The following ZMAT4 variants were observed in gnomAD, a reference collection of about 807,000 sequenced individuals.
The protein encoded by ZMAT4 is zinc finger matrin-type protein 4.
A neutral mutation model predicts 28.7 loss-of-function variants in ZMAT4; 17 were observed. The observed-to-expected ratio is 0.59, with a 90% CI of 0.41 to 0.89. The LOEUF is 0.89. ZMAT4 is among the 40% of genes least tolerant of loss of function. ZMAT4 has a pLI of 0.00. For missense variants in ZMAT4, 240 were observed against 283.8 expected, an observed-to-expected ratio of 0.85 and a Z score of 1.11; for synonymous variants, 117 against 109.2, an observed-to-expected ratio of 1.07 and a Z score of -0.44.
chr8:40,677,891 G>A (rs955070495), intron 4 of ZMAT4, among the ~76,000 whole-genome samples: 2 of 152,010 alleles, frequency 1.3e-5, no homozygotes, highest in Non-Finnish European at 2.9e-5. Flanking sequence ...CCTTTATATA[G>A]ATTCAACCAA....
chr8:40,567,110 CTG>C (rs1322254028), intron 6 of ZMAT4, among the ~76,000 whole-genome samples: 5 of 152,092 alleles, frequency 3.3e-5, no homozygotes, highest in African/African-American at 1.2e-4. Flanking sequence ...AGATATATCT[CTG>C]GAGAGTACAA....
intron 5 of ZMAT4, among the ~76,000 whole-genome samples, chr8:40,670,012 C>T (rs73611428): frequency 0.011 from 1,705 of 152,302 alleles, 37 homozygotes; most frequent in African/African-American, 0.039. Flanking sequence ...AATTCAATCC[C>T]ATTCAACATT....
intron 5 of ZMAT4, among the ~76,000 whole-genome samples, chr8:40,626,042 G>A (rs1458783508): frequency 6.6e-6 from 1 of 151,734 alleles, no homozygotes; most frequent in Non-Finnish European, 1.5e-5. Flanking sequence ...CCCGGGAGGT[G>A]GAGGTTGCAG....
At chr8:40,798,247 T>A (rs1222306290) in intron 2 of ZMAT4, among the ~76,000 whole-genome samples, 1 of 152,198 alleles carries the variant, frequency 6.6e-6, no homozygotes, top group Non-Finnish European at 1.5e-5. Context: ...TGCAAGTTAA[T>A]GATCTGCACA....
intron 4 of ZMAT4, among the ~76,000 whole-genome samples, chr8:40,695,162 G>A (rs1406121254): frequency 3.3e-5 from 5 of 152,180 alleles, no homozygotes; most frequent in Admixed American, 1.3e-4. Flanking sequence ...TTCTGAAGGC[G>A]CTCGTGTACA....
chr8:40,566,395 A>T (rs993732786), intron 6 of ZMAT4, among the ~76,000 whole-genome samples: 1 of 152,134 alleles, frequency 6.6e-6, no homozygotes, highest in African/African-American at 2.4e-5. Context: ...TTTTCCGGAC[A>T]TGTGGGTGTG....
chr8:40,851,983 G>A (rs118150115), intron 1 of ZMAT4, among the ~76,000 whole-genome samples: 9,825 of 152,078 alleles, frequency 0.065, 353 homozygotes, highest in Non-Finnish European at 0.07. Flanking sequence ...TGCAGCCTCC[G>A]CCTCCAGGGT....
chr8:40,837,402 T>C (rs543124136), intron 1 of ZMAT4, among the ~76,000 whole-genome samples: 1 of 152,282 alleles, frequency 6.6e-6, no homozygotes, highest in South Asian at 2.1e-4. Context: ...GACTTTTGTG[T>C]CAATGGGAAC....
intron 1 of ZMAT4, among the ~76,000 whole-genome samples, chr8:40,862,450 T>G (rs954104106): frequency 7.0e-6 from 1 of 142,510 alleles, no homozygotes; most frequent in African/African-American, 2.6e-5. Flanking sequence ...GGGATAGCAT[T>G]GGGAGATATA....
At chr8:40,870,983 T>A (rs1586198009) in intron 1 of ZMAT4, among the ~76,000 whole-genome samples, 2 of 152,322 alleles carry the variant, frequency 1.3e-5, no homozygotes, top group South Asian at 4.2e-4. Context: ...ACCAGCTCCC[T>A]TATTTGTAAA....
Position 40,726,603 on chromosome 8 carries a change from C to T in ZMAT4, c.193-29202G>A, listed in dbSNP as rs533003425. 5.9e-5 allele frequency among the ~76,000 whole-genome samples: 9 copies of T among 152,288 alleles called. No homozygotes were observed. In the South Asian group the frequency reaches 1.9e-3, roughly 32 times the overall value. On this transcript the variant is annotated intron_variant, in intron 3 of 6. Transcript: ENST00000297737. ...TAGTTGGACTGAATGTAATTTAGGT[C>T]AGAAGTCAGCAAACCACACAACCCA... is the stretch of plus-strand genomic sequence containing the variant.
At chr8:40,848,291 G>T (rs1342755160) in intron 1 of ZMAT4, among the ~76,000 whole-genome samples, 3 of 152,176 alleles carry the variant, frequency 2.0e-5, no homozygotes, top group Non-Finnish European at 2.9e-5. Context: ...CCCTCGATGT[G>T]GAAGTCAGAC....
intron 1 of ZMAT4, among the ~76,000 whole-genome samples, chr8:40,879,596 G>A (rs544468302): frequency 2.6e-5 from 4 of 152,208 alleles, no homozygotes; most frequent in South Asian, 2.1e-4. Flanking sequence ...AAAGGGGAAC[G>A]ACTCAGAGGC....
chr8:40,734,846 A>C (rs1811692847), intron 3 of ZMAT4, among the ~76,000 whole-genome samples: 4 of 152,234 alleles, frequency 2.6e-5, no homozygotes, highest in South Asian at 4.1e-4. Flanking sequence ...AATTTAAAAA[A>C]ATCTCTAAAG....
At chr8:40,783,284 G>T (rs533648345) in intron 2 of ZMAT4, among the ~76,000 whole-genome samples, 2 of 152,248 alleles carry the variant, frequency 1.3e-5, no homozygotes, top group South Asian at 2.1e-4. Flanking sequence ...ATTACACTAC[G>T]TGACAGAAGT....
chr8:40,773,083 T>C (rs377673317), intron 2 of ZMAT4, among the ~76,000 whole-genome samples: 1 of 152,130 alleles, frequency 6.6e-6, no homozygotes, highest in Non-Finnish European at 1.5e-5. Flanking sequence ...ACAAGACAAA[T>C]AGAAAACCAC....
chr8:40,600,857 A>G (rs13274508), intron 5 of ZMAT4, among the ~76,000 whole-genome samples: 3 of 151,794 alleles, frequency 2.0e-5, no homozygotes, highest in African/African-American at 7.3e-5. Context: ...GCTGCATCCT[A>G]CTCTTAATTA....
chr8:40,860,554 G>A lies in ZMAT4; in HGVS notation c.-4-34874C>T, dbSNP rs370347783. ...GAAGCTCTGTGAAGAGCCACAGGGT[G>A]AGAATAGCACCCAGCCATAGATCTG... On this transcript the variant is annotated intron_variant, in intron 1 of 6. Coordinates refer to ENST00000297737, the MANE Select transcript of ZMAT4 (RefSeq NM_024645.3). 3.3e-4 allele frequency among the ~76,000 whole-genome samples: 50 copies of A among 152,324 alleles called. 2 individuals carry two copies. Among genetic ancestry groups the A allele is most frequent in the East Asian group, 3.1e-3 (16 of 5,180 alleles).
chr8:40,697,072 G>T (rs1480564631), intron 4 of ZMAT4, 173 bp downstream of exon 4: 1 of 646,652 alleles, frequency 1.5e-6, no homozygotes, highest in Non-Finnish European at 2.5e-6. Context: ...GTATTTAGGG[G>T]TCTTAGGACA....
Sources: gnomAD v4.1 joint callset for allele counts (sites outside exome capture counted in the v4.1 genomes callset) on GRCh38, gnomAD v4.1.1 for gene constraint, MANE v1.5 for transcripts, NCBI Gene and HGNC (gene_info 2026-07-23, HGNC 2026-07-21) for gene names.